PCDHA5: variants seen among roughly 807,000 people sequenced by gnomAD.
PCDHA5 encodes protocadherin alpha-5.
Under a neutral mutation model 61.6 loss-of-function variants are expected in PCDHA5, and 43 were observed. The ratio of observed to expected loss-of-function variants is 0.70; its 90% CI spans 0.55 to 0.90. The LOEUF is 0.90. Ranked by LOEUF, PCDHA5 falls within the 40% of genes least tolerant of loss-of-function variation. The pLI is 0.00. For synonymous variants in PCDHA5, 627 were observed against 543.9 expected (o/e 1.15, Z -2.13); for missense variants, 1,298 against 1,222.7 (o/e 1.06, Z -0.92).
At chr5:140,961,604 T>C (rs2095623962) in intron 1 of PCDHA5, among the ~76,000 whole-genome samples, 1 of 152,190 alleles carries the variant, frequency 6.6e-6, no homozygotes, top group Non-Finnish European at 1.5e-5. Context: ...TTCTAGTAAA[T>C]GAAACTAAAG....
intron 1 of PCDHA5, chr5:140,968,978 G>A: frequency 1.9e-6 from 3 of 1,614,212 alleles, no homozygotes; most frequent in Non-Finnish European, 1.7e-6. Flanking sequence ...CACTGCGTAT[G>A]GCACTGCATG....
chr5:140,938,406 T>A (rs1283027205), intron 1 of PCDHA5, among the ~76,000 whole-genome samples: 1 of 152,240 alleles, frequency 6.6e-6, no homozygotes, highest in African/African-American at 2.4e-5. Context: ...ATTGTTTGAT[T>A]GGGTTTATTT....
At chr5:140,884,907 C>T (rs1263861482) in intron 1 of PCDHA5, among the ~76,000 whole-genome samples, 2 of 152,148 alleles carry the variant, frequency 1.3e-5, no homozygotes, top group Non-Finnish European at 2.9e-5. Flanking sequence ...CTGTTGTATT[C>T]TTAATAGTTC....
At position 140,822,284 on chromosome 5, in the gene PCDHA5, G is replaced by A. The variant is rs2150115215; in HGVS notation, c.509G>A (p.Arg170Lys). ...GGAGCAAATGCACAATTGAGATACA[G>A]GTTAAATCCAAACGAATATTTTGAC... Reference protein sequence around the residue: ...DIGANAQLRYRLNPNEYFDLD... With the variant: ...DIGANAQLRYKLNPNEYFDLD... Residue 170 changes from arginine to lysine, a missense_variant, in exon 1 of 4, where the codon AGG becomes AAG. Transcript: ENST00000529859. 1 of 1,614,234 alleles carries A rather than the reference G, an allele frequency of 6.2e-7. No homozygotes were observed. Among genetic ancestry groups the A allele is most frequent in the South Asian group, 1.1e-5 (1 of 91,088 alleles).
chr5:140,829,836 C>G (rs2150175782), intron 1 of PCDHA5: 3 of 1,613,890 alleles, frequency 1.9e-6, no homozygotes, highest in South Asian at 2.2e-5. Flanking sequence ...GAGCTGGTGC[C>G]GCGGTCACTG....
intron 1 of PCDHA5, among the ~76,000 whole-genome samples, chr5:140,978,640 G>T (rs1339340351): frequency 6.6e-6 from 1 of 152,252 alleles, no homozygotes; most frequent in African/African-American, 2.4e-5. Flanking sequence ...TCTCAAAGCA[G>T]ACTGTTCTTC....
At chr5:140,979,215 G>A (rs1463069868) in intron 2 of PCDHA5, among the ~76,000 whole-genome samples, 5 of 152,178 alleles carry the variant, frequency 3.3e-5, no homozygotes, top group African/African-American at 4.8e-5. Context: ...TGGCATATAA[G>A]AGTCCTCTGT....
At chr5:140,959,407 G>A (rs1449444307) in intron 1 of PCDHA5, among the ~76,000 whole-genome samples, 3 of 152,052 alleles carry the variant, frequency 2.0e-5, no homozygotes, top group African/African-American at 7.2e-5. Flanking sequence ...ATAAAGTGTT[G>A]ATTGATCTGA....
At chr5:140,848,385 C>G (rs2150409736) in intron 1 of PCDHA5, 28 of 1,211,136 alleles carry the variant, frequency 2.3e-5, no homozygotes, top group Non-Finnish European at 2.9e-5. Flanking sequence ...CTTTTTCACT[C>G]TCTCTGTGCT....
At position 140,850,723 on chromosome 5, in the gene PCDHA5, G is replaced by T. The variant is rs2150495847; in HGVS notation, c.2352+26596G>T. 3.1e-5 allele frequency: 49 copies of T among 1,597,922 alleles called. 7 individuals carry two copies. The highest frequency in any genetic ancestry group is 4.2e-5 in the Non-Finnish European group (49 of 1,167,668). The stretch of plus-strand genomic sequence containing the variant: ...GGCAAGCCGACGCTGGTGTGTTCTA[G>T]CGCGGTGGGGAGTTGGTCGTACTCG... On this transcript the variant is annotated intron_variant, in intron 1 of 3. Transcript: ENST00000529859.
chr5:140,866,563 G>A (rs1163893808), intron 1 of PCDHA5: 31 of 152,118 alleles, frequency 2.0e-4, no homozygotes, highest in Admixed American at 2.0e-3. Flanking sequence ...CTATAATTTT[G>A]TTAATACAGT....
At chr5:140,868,859 A>G (rs2050687281) in intron 1 of PCDHA5, 1 of 502,518 alleles carries the variant, frequency 2.0e-6, no homozygotes, top group African/African-American at 1.9e-5. Context: ...TGTGGTGGTA[A>G]ATGCAGTGCA....
chr5:140,941,202 C>CTTTCTCTCTTT (rs1554213921), intron 1 of PCDHA5, among the ~76,000 whole-genome samples: 1 of 122,742 alleles, frequency 8.1e-6, no homozygotes, highest in African/African-American at 3.0e-5. Flanking sequence ...TTTCTTTCTT[C>CTTTCTCTCTTT]CTTTCTTTCT....
intron 1 of PCDHA5, chr5:140,871,301 CGGG>C: frequency 6.2e-7 from 1 of 1,613,916 alleles, no homozygotes; most frequent in East Asian, 2.2e-5. Context: ...GCGTGCGCGC[CGGG>C]GAAGCCCACG....
intron 1 of PCDHA5, chr5:140,877,253 T>G (rs2056969600): frequency 1.2e-6 from 2 of 1,613,576 alleles, no homozygotes; most frequent in Non-Finnish European, 8.5e-7. Context: ...GTGGCGAAAG[T>G]GCGCGCGGTG....
chr5:140,879,003 G>C (rs781827510), intron 1 of PCDHA5, among the ~76,000 whole-genome samples: 1 of 152,144 alleles, frequency 6.6e-6, no homozygotes, highest in African/African-American at 2.4e-5. Flanking sequence ...GTATGCCCTA[G>C]AAATCAGATA....
intron 1 of PCDHA5, chr5:140,870,538 C>T (rs539269989): frequency 6.2e-7 from 1 of 1,614,154 alleles, no homozygotes; most frequent in African/African-American, 1.3e-5. Flanking sequence ...AGTGTCGGCG[C>T]GGGACGCGGA....
At chr5:140,943,267 AAAAAAAAAAAG>A in intron 1 of PCDHA5, among the ~76,000 whole-genome samples, 2 of 150,426 alleles carry the variant, frequency 1.3e-5, no homozygotes, top group South Asian at 2.1e-4. Context: ...CAAAAAAAAA[AAAAAAAAAAAG>A]AAAGAAAGAA....
At chr5:140,980,722 A>G (rs1318137295) in intron 2 of PCDHA5, among the ~76,000 whole-genome samples, 1 of 152,356 alleles carries the variant, frequency 6.6e-6, no homozygotes, top group South Asian at 2.1e-4. Context: ...TCGGGTTTCA[A>G]TTAAGATATT....
Sources: gnomAD v4.1 joint callset for allele counts (sites outside exome capture counted in the v4.1 genomes callset) on GRCh38, gnomAD v4.1.1 for gene constraint, MANE v1.5 for transcripts, NCBI Gene and HGNC (gene_info 2026-07-23, HGNC 2026-07-21) for gene names.